Variants in BTAF1 observed in about 807,000 individuals in gnomAD.
BTAF1 encodes the protein B-TFIID TATA-box binding protein associated factor 1.
Under a neutral mutation model 227.1 loss-of-function variants are expected in BTAF1, and 38 were observed. The observed-to-expected ratio is 0.17, with a 90% confidence interval of 0.13 to 0.22. The LOEUF is 0.22. Ranked by LOEUF, BTAF1 falls within the 10% of genes least tolerant of loss-of-function variation. The pLI is 1.00. For synonymous variants in BTAF1, 742 were observed against 751.9 expected (o/e 0.99, Z 0.21); for missense variants, 1,598 against 2,204.0 (o/e 0.73, Z 5.51).
intron 8 of BTAF1, among the ~76,000 whole-genome samples, chr10:91,957,701 C>T (rs899400568): frequency 6.6e-6 from 1 of 152,284 alleles, no homozygotes. Context: ...AGTGAAGTTC[C>T]TCTGCTTGAA....
In BTAF1 at chr10:91,935,678, A is replaced by G; in HGVS notation, c.36A>G (p.Leu12=). The change falls in exon 2 of 38, where the codon TTA becomes TTG. Residue 12 remains leucine, a synonymous_variant. Transcript: ENST00000265990. ...AVSRLDRLFI[L]LDTGTTPVTR... ...TCAGGCTAGATCGCCTTTTTATTTT[A>G]CTGGATACTGGCACTACTCCTGTTA... The G allele has an allele frequency of 6.2e-7, 1 of 1,613,392 alleles. No individual in the cohort carries two copies. The highest frequency in any genetic ancestry group is 8.5e-7 in the Non-Finnish European group (1 of 1,179,690).
At chr10:91,931,161 A>G (rs1298004246) in intron 1 of BTAF1, among the ~76,000 whole-genome samples, 1 of 152,190 alleles carries the variant, frequency 6.6e-6, no homozygotes, top group Non-Finnish European at 1.5e-5. Context: ...TTAGATTGCA[A>G]CTGCTAGCAT....
chr10:91,980,764 T>G (rs183385551), intron 15 of BTAF1, among the ~76,000 whole-genome samples: 2 of 152,308 alleles, frequency 1.3e-5, no homozygotes, highest in East Asian at 3.9e-4. Flanking sequence ...CCTCTTATTA[T>G]GTGACTTACA....
At position 91,982,173 on chromosome 10, in the gene BTAF1, G is replaced by T; in HGVS notation, c.1996G>T (p.Asp666Tyr). 1 of 1,614,008 alleles carries T rather than the reference G, an allele frequency of 6.2e-7. No homozygotes were observed. The highest frequency in any genetic ancestry group is 8.5e-7 in the Non-Finnish European group (1 of 1,179,920). Residue 666 changes from aspartate (D) to tyrosine (Y), a missense_variant, in exon 17 of 38, where the codon GAC becomes TAC. Physicochemically the swap from Asp to Tyr is radical, Grantham distance 160 (BLOSUM62 -3). Around this residue, in one of 10 missense-constraint regions of BTAF1, gnomAD observed 318 missense variants for 435.0 expected, o/e 0.73. Coordinates refer to ENST00000265990, the MANE Select transcript of BTAF1 (RefSeq NM_003972.3). ...YIAGADTIME[D>Y]PATRDFVVMR... Reference sequence around the variant, plus strand: ...TGCAGGTGCCGACACCATCATGGAAGACCCAGCCACCAGGGATTTTGTAGT... The same window carrying T: ...TGCAGGTGCCGACACCATCATGGAATACCCAGCCACCAGGGATTTTGTAGT...
In BTAF1 at chr10:91,959,967, T is replaced by C. The variant is rs1239404027; in HGVS notation, c.1087-11T>C. On this transcript the variant is annotated splice_polypyrimidine_tract_variant and intron_variant, in intron 10 of 37. Coordinates refer to ENST00000265990, the MANE Select transcript of BTAF1 (RefSeq NM_003972.3). ...TTGCAAATATGAGTTTTCTTCCTTT[T>C]TCGTCTGTAGGTTGTGGCACCAGTT... 1.9e-6 allele frequency: 3 copies of C among 1,601,730 alleles called. No individual in the cohort carries two copies. Among genetic ancestry groups the C allele is most frequent in the South Asian group, 2.3e-5 (2 of 88,078 alleles).
intron 25 of BTAF1, among the ~76,000 whole-genome samples, chr10:92,002,928 G>A (rs1849644649): frequency 6.6e-6 from 1 of 152,128 alleles, no homozygotes; most frequent in Non-Finnish European, 1.5e-5. Context: ...GGGAGGCCGA[G>A]GTGGGTGGAT....
Position 92,030,838 on chromosome 10 carries a change from A to C in BTAF1, c.*1905A>C, listed in dbSNP as rs1851847897. Among the ~76,000 whole-genome samples the C allele has an allele frequency of 6.6e-6, 1 of 152,216 alleles. No individual in the cohort carries two copies. The highest frequency in any genetic ancestry group is 2.1e-4 in the South Asian group (1 of 4,834). ...TTTGAGTTGTAAAATAGTAAATCAC[A>C]CATTCCAACTTTTCCATAGAAAGGA... On this transcript the variant is annotated 3_prime_UTR_variant, in exon 38 of 38. Coordinates refer to ENST00000265990, the MANE Select transcript of BTAF1 (RefSeq NM_003972.3).
Position 91,945,384 on chromosome 10 carries a change from A to G in BTAF1, c.400+2816A>G, listed in dbSNP as rs978031157. ...GTTAAGTACAGTCACATTGTTGTGC[A>G]GCCAGTCTCCAGAAGTCTTCATCAT... On this transcript the variant is annotated intron_variant, in intron 4 of 37. Transcript: ENST00000265990. 4.6e-5 allele frequency among the ~76,000 whole-genome samples: 7 copies of G among 152,188 alleles called. No individual in the cohort carries two copies. The East Asian group carries it at 1.3e-3, about 29-fold the overall frequency.
At chr10:91,974,071 A>G (rs1847512642) in intron 14 of BTAF1, among the ~76,000 whole-genome samples, 1 of 152,332 alleles carries the variant, frequency 6.6e-6, no homozygotes, top group African/African-American at 2.4e-5. Context: ...TTTAACTACA[A>G]AGTGAGAAAA....
Position 91,992,390 on chromosome 10 carries a change from G to A in BTAF1, c.3045+81G>A. 6 of 1,296,284 alleles carry A rather than the reference G, an allele frequency of 4.6e-6. No homozygotes were observed. The Middle Eastern group carries it at 7.6e-4, about 164-fold the overall frequency. 80.3% of individuals were successfully genotyped at this position (1,296,284 alleles called of 1,614,324 possible). ...ACAAATTGAGAACTAAGTTGTATTA[G>A]CTTCCAGAGTTGTTTTTAAGTAAAG... On this transcript the variant is annotated intron_variant, in intron 21 of 37. Transcript: ENST00000265990.
intron 4 of BTAF1, among the ~76,000 whole-genome samples, chr10:91,950,985 C>G (rs1845735703): frequency 6.6e-6 from 1 of 151,962 alleles, no homozygotes; most frequent in Non-Finnish European, 1.5e-5. Flanking sequence ...TGTGTACCAT[C>G]ATGCCCTGCT....
chr10:91,959,766 ATATATTATAT>A lies in BTAF1; in HGVS notation c.991-17_991-8del. On this transcript the variant is annotated splice_polypyrimidine_tract_variant and intron_variant, in intron 9 of 37. Coordinates refer to ENST00000265990, the MANE Select transcript of BTAF1 (RefSeq NM_003972.3). Reference sequence around the variant, plus strand: ...TATATATATATATATATATATATATATATATTATATTTTAACAGATGATTCAGCAGCATCA... The same window carrying A: ...TATATATATATATATATATATATATATTTAACAGATGATTCAGCAGCATCA... 1 of 586,584 alleles carries A rather than the reference ATATATTATAT, an allele frequency of 1.7e-6. No homozygotes were observed. Among genetic ancestry groups the A allele is most frequent in the Non-Finnish European group, 2.6e-6 (1 of 378,498 alleles). 36.3% of individuals were successfully genotyped at this position (586,584 alleles called of 1,614,324 possible). A position where few individuals can be genotyped will look rare whatever the true frequency, so the allele number is the denominator to read the frequency against.
At chr10:91,941,436 A>G (rs375244066) in intron 3 of BTAF1, among the ~76,000 whole-genome samples, 4 of 152,372 alleles carry the variant, frequency 2.6e-5, no homozygotes, top group African/African-American at 9.6e-5. Context: ...TAAACAAACT[A>G]TTAAGTCAGT....
rs753226452 is a variant in BTAF1, at chr10:91,960,013, A to G, written c.1122A>G (p.Thr374=). ...VAPVRETCAQ[T]LGVVLKHMNE... ...CAGTTCGTGAAACTTGTGCTCAAAC[A>G]TTAGGTGTGGTTTTAAAACACATGA... The change falls in exon 11 of 38, where the codon ACA becomes ACG. Residue 374 remains threonine (T), a synonymous_variant. Coordinates refer to ENST00000265990, the MANE Select transcript of BTAF1 (RefSeq NM_003972.3). 50 of 1,612,656 alleles carry G rather than the reference A, an allele frequency of 3.1e-5. No individual in the cohort carries two copies. The highest frequency in any genetic ancestry group is 4.0e-5 in the Non-Finnish European group (47 of 1,179,354).
intron 34 of BTAF1, among the ~76,000 whole-genome samples, chr10:92,021,153 C>T (rs1851093363): frequency 6.6e-6 from 1 of 152,126 alleles, no homozygotes; most frequent in Admixed American, 6.5e-5. Flanking sequence ...GTCTTACTTG[C>T]TTTCTAAAAA....
rs759847936 is a variant in BTAF1 at position 92,013,822 on chromosome 10, A to G, written c.4453+14A>G. 3.1e-6 allele frequency: 5 copies of G among 1,613,946 alleles called. No individual in the cohort carries two copies. The South Asian group carries it at 5.5e-5, about 18-fold the overall frequency. ...AGCAAGAAGCAGGTATGAAAGAGATATAATTATAACCCTGTGTAAGTGAAT... is the reference window on the plus strand; with the variant it reads ...AGCAAGAAGCAGGTATGAAAGAGATGTAATTATAACCCTGTGTAAGTGAAT... On this transcript the variant is annotated intron_variant, in intron 31 of 37. Transcript: ENST00000265990.
intron 19 of BTAF1, among the ~76,000 whole-genome samples, chr10:91,985,586 A>G (rs1156413276): frequency 6.6e-6 from 1 of 152,086 alleles, no homozygotes; most frequent in Non-Finnish European, 1.5e-5. Context: ...AGATTGTATC[A>G]TTTTACCCTC....
chr10:92,019,172 T>C (rs1336573385), intron 34 of BTAF1, among the ~76,000 whole-genome samples: 2 of 152,216 alleles, frequency 1.3e-5, no homozygotes, highest in African/African-American at 4.8e-5. Flanking sequence ...TGTACAACCA[T>C]CAGCATTATC....
intron 5 of BTAF1, 138 bp from the exon 6 acceptor site, chr10:91,953,599 A>AGT: frequency 1.1e-6 from 1 of 923,274 alleles, no homozygotes; most frequent in South Asian, 1.9e-5. Flanking sequence ...ACAACAAAAG[A>AGT]GTGTGAACCT....
Sources: gnomAD v4.1 joint callset for allele counts (sites outside exome capture counted in the v4.1 genomes callset) on GRCh38, gnomAD v4.1.1 for gene constraint, gnomAD v4.1.1 regional missense constraint, MANE v1.5 for transcripts, NCBI Gene and HGNC (gene_info 2026-07-23, HGNC 2026-07-21) for gene names.